The following SPSB2 variants were observed in gnomAD, a reference collection of about 807,000 sequenced individuals.
The protein encoded by SPSB2 is splA/ryanodine receptor domain and SOCS box containing 2, also known as SPRY domain-containing SOCS box protein 2.
SPSB2 carries 25 observed loss-of-function variants against 19.2 expected under a neutral mutation model. The observed-to-expected ratio is 1.30, with a 90% CI of 0.95 to 1.82. SPSB2 has a LOEUF of 1.82. SPSB2 is among the 40% of genes most tolerant of loss of function. SPSB2 has a pLI of 0.00. For missense variants in SPSB2, 413 were observed against 344.9 expected (o/e 1.20, Z -1.56); for synonymous variants, 153 against 154.9 (o/e 0.99, Z 0.09).
rs371572086 is a variant in SPSB2, at chr12:6,872,388, C to T, written c.514G>A (p.Asp172Asn). The change falls in exon 2 of 3, where the codon GAC (aspartate) becomes AAC (asparagine). Residue 172 changes from aspartate (D) to asparagine (N), a missense_variant. Physicochemically the swap from Asp to Asn is conservative, Grantham distance 23. Coordinates refer to ENST00000524270, the MANE Select transcript of SPSB2 (RefSeq NM_032641.4). Reference sequence around the variant, plus strand: ...TAGCCCAGAGTTCCCTCCTCCATGTCCAGAACCACCAGCAGTCTCTCTGGC... The same window carrying T: ...TAGCCCAGAGTTCCCTCCTCCATGTTCAGAACCACCAGCAGTCTCTCTGGC... ...EVPERLLVVL[D>N]MEEGTLGYAI... The T allele has an allele frequency of 9.3e-6, 15 of 1,614,128 alleles. No homozygotes were observed. In the African/African-American group the frequency reaches 9.3e-5, roughly 10 times the overall value.
At position 6,872,864 on chromosome 12, in the gene SPSB2, G is replaced by T. The variant is rs782068809; in HGVS notation, c.38C>A (p.Thr13Asn). ...QTALAGGSSS[T>N]PTPQALYPDL... ...AGGGTACAGGGCCTGTGGCGTGGGG[G>T]TGCTGCTGCTGCCCCCTGCCAGAGC... is the stretch of plus-strand genomic sequence containing the variant. Residue 13 changes from threonine to asparagine, a missense_variant, in exon 2 of 3, where the codon ACC becomes AAC. Transcript: ENST00000524270. 1.9e-6 allele frequency: 3 copies of T among 1,595,356 alleles called. No homozygotes were observed. Among genetic ancestry groups the T allele is most frequent in the East Asian group, 2.2e-5 (1 of 44,464 alleles).
chr12:6,871,282 A>G lies in SPSB2; in HGVS notation c.702T>C (p.Cys234=), dbSNP rs782689867. ...PHSLLHLSRL[C]VRHNLGDTRL... The stretch of plus-strand genomic sequence containing the variant: ...GGGTATCCCCCAGGTTGTGGCGCAC[A>G]CACAGGCGGCTCAGGTGCAGAAGGG... The change falls in exon 3 of 3, where the codon TGT becomes TGC. Residue 234 remains cysteine, a synonymous_variant. Transcript: ENST00000524270. 1.9e-6 allele frequency: 3 copies of G among 1,614,016 alleles called. No individual in the cohort carries two copies. The highest frequency in any genetic ancestry group is 2.5e-6 in the Non-Finnish European group (3 of 1,180,020).
In SPSB2 at chr12:6,872,468, T is replaced by C. The variant is rs1555133857; in HGVS notation, c.434A>G (p.Lys145Arg). 1.9e-6 allele frequency: 3 copies of C among 1,613,974 alleles called. No homozygotes were observed. In the Admixed American group the frequency reaches 5.0e-5, roughly 27 times the overall value. The change falls in exon 2 of 3, where the codon AAG (lysine) becomes AGG (arginine). Residue 145 changes from lysine to arginine, a missense_variant. Transcript: ENST00000524270. The stretch of plus-strand genomic sequence containing the variant: ...TGGATACTGGGGGGCTCCGGGCCCC[T>C]TGCTCTGATGGTACAGCTTCCCCCG... ...IGRGKLYHQS[K>R]GPGAPQYPAG...
chr12:6,872,285 A>T lies in SPSB2; in HGVS notation c.617T>A (p.Val206Asp), dbSNP rs1199439501. ...GRTLYPAVSA[V>D]WGQCQVRIRY... ...GATGCGGACCTGGCACTGGCCCCAGACAGCGCTTACTGCCGGATAGAGGGT... is the reference window on the plus strand; with the variant it reads ...GATGCGGACCTGGCACTGGCCCCAGTCAGCGCTTACTGCCGGATAGAGGGT... The change falls in exon 2 of 3, where the codon GTC (valine) becomes GAC (aspartate). Residue 206 changes from valine to aspartate, a missense_variant. Transcript: ENST00000524270. 9 of 1,614,014 alleles carry T rather than the reference A, an allele frequency of 5.6e-6. No homozygotes were observed. Among genetic ancestry groups the T allele is most frequent in the Admixed American group, 5.0e-5 (3 of 59,998 alleles).
Position 6,872,241 on chromosome 12 carries a change from T to C in SPSB2, c.661A>G (p.Arg221Gly), listed in dbSNP as rs1944609923. Reference protein sequence around the residue: ...QVRIRYLGERRAEPHSLLHLS... With the variant: ...QVRIRYLGERGAEPHSLLHLS... ...CCACGTCTGCCCCAGGCCTCACCTC[T>C]CCTTTCGCCCAGGTAGCGGATGCGG... The change falls in exon 2 of 3, where the codon AGA (arginine) becomes GGA (glycine). Residue 221 changes from arginine to glycine, a missense_variant. By Grantham distance (125) the Arg-to-Gly change is moderately radical. Transcript: ENST00000524270. 1 of 1,614,012 alleles carries C rather than the reference T, an allele frequency of 6.2e-7. No homozygotes were observed.
chr12:6,872,979 G>T lies in SPSB2; in HGVS notation c.-78C>A. The T allele has an allele frequency of 9.8e-7, 1 of 1,022,160 alleles. No individual in the cohort carries two copies. The highest frequency in any genetic ancestry group is 1.4e-6 in the Non-Finnish European group (1 of 703,114). 63.3% of individuals were successfully genotyped at this position (1,022,160 alleles called of 1,614,324 possible). ...TCTTCTGAAAGTTGAGCTCCAGTTT[G>T]GATTGACCTGGAAGGGAGCTGGGAG... On this transcript the variant is annotated 5_prime_UTR_variant, in exon 2 of 3. Transcript: ENST00000524270.
intron 2 of SPSB2, 181 bp downstream of exon 2, chr12:6,872,057 T>C (rs1048805145): frequency 1.4e-5 from 22 of 1,543,566 alleles, no homozygotes; most frequent in Non-Finnish European, 1.9e-5. Context: ...GTTTCACCTC[T>C]ATTGCTGTTG....
Position 6,872,870 on chromosome 12 carries a change from CT to C in SPSB2, c.31del (p.Ser11AlafsTer87). 1 of 1,590,766 alleles carries C rather than the reference CT, an allele frequency of 6.3e-7. No homozygotes were observed. Among genetic ancestry groups the C allele is most frequent in the Non-Finnish European group, 8.6e-7 (1 of 1,164,930 alleles). MGQTALAGGS[S>X]STPTPQALYP... ...CAGGGCCTGTGGCGTGGGGGTGCTG[CT>C]GCTGCCCCCTGCCAGAGCTGTCTGG... On this transcript the variant is annotated frameshift_variant, in exon 2 of 3. Coordinates refer to ENST00000524270, the MANE Select transcript of SPSB2 (RefSeq NM_032641.4). LOFTEE classifies it high-confidence loss of function.
intron 2 of SPSB2, chr12:6,871,920 C>T (rs1591620793): frequency 3.0e-5 from 39 of 1,301,994 alleles, no homozygotes; most frequent in Non-Finnish European, 3.9e-5. Context: ...CAGTACCTAA[C>T]GCTTTGCACC....
Position 6,872,526 on chromosome 12 carries a change from T to C in SPSB2, c.376A>G (p.Ser126Gly), listed in dbSNP as rs782705399. The C allele has an allele frequency of 5.0e-6, 8 of 1,611,810 alleles. No homozygotes were observed. In the South Asian group the frequency reaches 7.7e-5, roughly 15 times the overall value. Reference protein sequence around the residue: ...QTDHYAALLGSNSESWGWDIG... With the variant: ...QTDHYAALLGGNSESWGWDIG... ...TCCCAGCCCCACGACTCGCTGTTGC[T>C]GCCCAGCAGCGCCGCGTAGTGGTCA... Residue 126 changes from serine (S) to glycine (G), a missense_variant, in exon 2 of 3, where the codon AGC becomes GGC. Ser to Gly is a moderately conservative substitution (Grantham distance 56). Transcript: ENST00000524270.
chr12:6,871,275 G>A lies in SPSB2; in HGVS notation c.709C>T (p.His237Tyr). ...CCGAGCCGGGTATCCCCCAGGTTGTGGCGCACACACAGGCGGCTCAGGTGC... is the reference window on the plus strand; with the variant it reads ...CCGAGCCGGGTATCCCCCAGGTTGTAGCGCACACACAGGCGGCTCAGGTGC... ...LLHLSRLCVR[H>Y]NLGDTRLGQV... The change falls in exon 3 of 3, where the codon CAC becomes TAC. Residue 237 changes from histidine (H) to tyrosine (Y), a missense_variant. Transcript: ENST00000524270. 6.2e-7 allele frequency: 1 copy of A among 1,614,026 alleles called. No individual in the cohort carries two copies. The highest frequency in any genetic ancestry group is 8.5e-7 in the Non-Finnish European group (1 of 1,180,006).
In SPSB2 at chr12:6,872,919, G is replaced by A. The variant is rs782629108; in HGVS notation, c.-18C>T. ...TGGCCCATGGAGGTGAGGAGCTAGAGGACTCCCCGAAAGAGGCTTGCTGGG... is the reference window on the plus strand; with the variant it reads ...TGGCCCATGGAGGTGAGGAGCTAGAAGACTCCCCGAAAGAGGCTTGCTGGG... On this transcript the variant is annotated 5_prime_UTR_variant, in exon 2 of 3. Transcript: ENST00000524270. 6.6e-7 allele frequency: 1 copy of A among 1,522,804 alleles called. No individual in the cohort carries two copies. Among genetic ancestry groups the A allele is most frequent in the Non-Finnish European group, 8.8e-7 (1 of 1,130,296 alleles). 94.3% of individuals were successfully genotyped at this position (1,522,804 alleles called of 1,614,324 possible). A position where few individuals can be genotyped will look rare whatever the true frequency, so the allele number is the denominator to read the frequency against.
chr12:6,872,114 C>G (rs1555133620), intron 2 of SPSB2, 124 bp downstream of exon 2: 2 of 1,611,778 alleles, frequency 1.2e-6, no homozygotes, highest in Non-Finnish European at 1.7e-6. Context: ...TTTCCCAGCA[C>G]TGAACAGAGG....
Position 6,872,659 on chromosome 12 carries a change from C to T in SPSB2, c.243G>A (p.Lys81=). The part of the protein sequence containing the change: ...VAQSTDGARG[K]RGYSRGLHAW... ...CGTGCAGGCCCCTTGAATAGCCCCT[C>T]TTACCCCGGGCCCCATCAGTGCTCT... Residue 81 remains lysine (K), a synonymous_variant, in exon 2 of 3, where the codon AAG becomes AAA. Transcript: ENST00000524270. The T allele has an allele frequency of 6.2e-7, 1 of 1,612,330 alleles. No individual in the cohort carries two copies. Among genetic ancestry groups the T allele is most frequent in the Non-Finnish European group, 8.5e-7 (1 of 1,179,990 alleles).
rs782527289 is a variant in SPSB2 at position 6,872,924 on chromosome 12, C to G, written c.-23G>C. The stretch of plus-strand genomic sequence containing the variant: ...CATGGAGGTGAGGAGCTAGAGGACT[C>G]CCCGAAAGAGGCTTGCTGGGGCGTC... On this transcript the variant is annotated 5_prime_UTR_variant, in exon 2 of 3. Coordinates refer to ENST00000524270, the MANE Select transcript of SPSB2 (RefSeq NM_032641.4). 10 of 1,500,238 alleles carry G rather than the reference C, an allele frequency of 6.7e-6. No homozygotes were observed. Among genetic ancestry groups the G allele is most frequent in the Non-Finnish European group, 9.0e-6 (10 of 1,115,016 alleles). 92.9% of individuals were successfully genotyped at this position (1,500,238 alleles called of 1,614,324 possible).
intron 1 of SPSB2, 24 bp from the exon 2 acceptor site, chr12:6,873,021 G>C (rs1944632471): frequency 1.4e-6 from 1 of 696,200 alleles, no homozygotes; most frequent in Non-Finnish European, 2.4e-6. Context: ...GGCGTGAAGA[G>C]CAGAATCCTG....
At position 6,872,673 on chromosome 12, in the gene SPSB2, C is replaced by G. The variant is rs2138103280; in HGVS notation, c.229G>C (p.Gly77Arg). 6.2e-7 allele frequency: 1 copy of G among 1,612,568 alleles called. No individual in the cohort carries two copies. The highest frequency in any genetic ancestry group is 1.6e-4 in the Middle Eastern group (1 of 6,062). ...ERRPVAQSTD[G>R]ARGKRGYSRG... is the part of the protein sequence containing the mutation. The stretch of plus-strand genomic sequence containing the variant: ...GAATAGCCCCTCTTACCCCGGGCCC[C>G]ATCAGTGCTCTGGGCCACGGGCCGC... The change falls in exon 2 of 3, where the codon GGG becomes CGG. Residue 77 changes from glycine (G) to arginine (R), a missense_variant. Transcript: ENST00000524270.
Position 6,871,305 on chromosome 12 carries a change from G to T in SPSB2, c.679C>A (p.Leu227Ile). The T allele has an allele frequency of 6.2e-7, 1 of 1,613,602 alleles. No individual in the cohort carries two copies. Among genetic ancestry groups the T allele is most frequent in the Non-Finnish European group, 8.5e-7 (1 of 1,179,900 alleles). The part of the protein sequence containing the change: ...LGERRAEPHS[L>I]LHLSRLCVRH... ...ACACACAGGCGGCTCAGGTGCAGAA[G>T]GGAGTGTGGCTCCGCTGGGAGAGAG... The change falls in exon 3 of 3, where the codon CTT (leucine) becomes ATT (isoleucine). Residue 227 changes from leucine (L) to isoleucine (I), a missense_variant. Coordinates refer to ENST00000524270, the MANE Select transcript of SPSB2 (RefSeq NM_032641.4).
At chr12:6,873,203 C>T in intron 1 of SPSB2, 43 bp downstream of exon 1, 1 of 325,888 alleles carries the variant, frequency 3.1e-6, no homozygotes. Flanking sequence ...CAGCATGGAC[C>T]ATCCCCCTTA....
Sources: gnomAD v4.1 joint callset for allele counts on GRCh38, gnomAD v4.1.1 for gene constraint, MANE v1.5 for transcripts, NCBI Gene and HGNC (gene_info 2026-07-23, HGNC 2026-07-21) for gene names.